Variants in CRYBG3 observed in about 807,000 individuals in gnomAD.
CRYBG3 encodes very large A-kinase anchor protein.
A neutral mutation model predicts 244.2 loss-of-function variants in CRYBG3; 127 were observed. The ratio of observed to expected loss-of-function variants is 0.52; its 90% CI spans 0.45 to 0.60. The LOEUF is 0.60. Ranked by LOEUF, CRYBG3 falls within the 20% of genes least tolerant of loss-of-function variation. The pLI, the probability that CRYBG3 is intolerant of heterozygous loss-of-function variation, is 0.00. For synonymous variants in CRYBG3, 1,132 were observed against 1,195.8 expected (o/e 0.95, Z 1.10); for missense variants, 3,325 against 3,442.5 (o/e 0.97, Z 0.85).
chr3:97,875,037 A>C lies in CRYBG3; in HGVS notation c.3843A>C (p.Pro1281=). ...TCAAAGAGAAGCCCTGTGTTTCACC[A>C]ACAGTTGGTGAGAAGAATCTTCTTG... ...SEVKEKPCVS[P]TVGEKNLLVD... is the part of the protein sequence containing the mutation. The change falls in exon 4 of 22, where the codon CCA becomes CCC. Residue 1281 remains proline (P), a synonymous_variant. Transcript: ENST00000389622. The C allele has an allele frequency of 6.5e-7, 1 of 1,535,302 alleles. No individual in the cohort carries two copies. Among genetic ancestry groups the C allele is most frequent in the Non-Finnish European group, 8.7e-7 (1 of 1,146,644 alleles).
At chr3:97,824,197 G>A (rs1473928835) in intron 1 of CRYBG3, among the ~76,000 whole-genome samples, 1 of 152,068 alleles carries the variant, frequency 6.6e-6, no homozygotes, top group Non-Finnish European at 1.5e-5. Flanking sequence ...AAATGGAACC[G>A]CTTTATAGTA....
chr3:97,822,260 C>G lies in CRYBG3; in HGVS notation c.54C>G (p.Phe18Leu). 6.5e-7 allele frequency: 1 copy of G among 1,530,648 alleles called. No individual in the cohort carries two copies. Among genetic ancestry groups the G allele is most frequent in the Non-Finnish European group, 8.7e-7 (1 of 1,144,756 alleles). The allele number at this position is 1,530,648 out of a possible 1,614,324, so 94.8% of individuals were successfully genotyped here. A position where few individuals can be genotyped will look rare whatever the true frequency, so the allele number is the denominator to read the frequency against. The part of the protein sequence containing the change: ...GSAPWHSFSR[F>L]FAPRSPSRDK... ...CCCCCTGGCACAGCTTCTCCCGGTTCTTCGCTCCCCGAAGTCCTTCCCGGG... is the reference window on the plus strand; with the variant it reads ...CCCCCTGGCACAGCTTCTCCCGGTTGTTCGCTCCCCGAAGTCCTTCCCGGG... The change falls in exon 1 of 22, where the codon TTC (phenylalanine) becomes TTG (leucine). Residue 18 changes from phenylalanine (F) to leucine (L), a missense_variant. Around this residue, in one of 4 missense-constraint regions of CRYBG3, gnomAD observed 1,526 missense variants for 1,443.2 expected, o/e 1.06. Transcript: ENST00000389622.
In CRYBG3 at chr3:97,877,001, C is replaced by T. The variant is rs2039383221; in HGVS notation, c.5807C>T (p.Thr1936Ile). 2 of 1,528,600 alleles carry T rather than the reference C, an allele frequency of 1.3e-6. No individual in the cohort carries two copies. The highest frequency in any genetic ancestry group is 1.8e-6 in the Non-Finnish European group (2 of 1,141,216). The allele number at this position is 1,528,600 out of a possible 1,614,324, so 94.7% of individuals were successfully genotyped here. ...TATTTCAGGGGATATGAATCCCCTA[C>T]ATTAAGTAAGGATTATGAGGGCTAC... ...PTYFRGYESPTLSKDYEGYPA... is the reference protein window; with the variant it reads ...PTYFRGYESPILSKDYEGYPA... Residue 1936 changes from threonine (T) to isoleucine (I), a missense_variant, in exon 4 of 22, where the codon ACA becomes ATA. This residue lies in a region of CRYBG3 where 450 missense variants were observed against 424.1 expected (regional missense o/e 1.06). Coordinates refer to ENST00000389622, the MANE Select transcript of CRYBG3 (RefSeq NM_153605.4).
intron 10 of CRYBG3, 35 bp from the exon 11 acceptor site, chr3:97,892,825 A>G (rs2108233733): frequency 8.7e-7 from 1 of 1,143,680 alleles, no homozygotes; most frequent in Non-Finnish European, 1.2e-6. Context: ...ATATGTGTCT[A>G]TATTAAAATA....
chr3:97,825,566 G>GTTT (rs2038567222), intron 1 of CRYBG3, among the ~76,000 whole-genome samples: 1 of 152,202 alleles, frequency 6.6e-6, no homozygotes, highest in Admixed American at 6.5e-5. Flanking sequence ...TGCTATGGGC[G>GTTT]TTTTGAATGG....
chr3:97,859,245 C>T (rs777341667), intron 2 of CRYBG3, among the ~76,000 whole-genome samples: 5 of 152,128 alleles, frequency 3.3e-5, no homozygotes, highest in Non-Finnish European at 5.9e-5. Context: ...GGCACAGTCA[C>T]TGGTAGTGTC....
intron 15 of CRYBG3, among the ~76,000 whole-genome samples, chr3:97,906,687 G>A (rs2039778837): frequency 6.8e-6 from 1 of 146,234 alleles, no homozygotes; most frequent in Non-Finnish European, 1.5e-5. Context: ...CATGTCATCT[G>A]CAAACAGGGA....
chr3:97,844,156 T>C (rs1438347780), intron 2 of CRYBG3, among the ~76,000 whole-genome samples: 1 of 152,188 alleles, frequency 6.6e-6, no homozygotes, highest in African/African-American at 2.4e-5. Flanking sequence ...TATTTCTGCC[T>C]TCTCCATTAT....
chr3:97,901,841 G>A (rs1236928857), intron 15 of CRYBG3, among the ~76,000 whole-genome samples: 1 of 152,108 alleles, frequency 6.6e-6, no homozygotes, highest in Non-Finnish European at 1.5e-5. Flanking sequence ...CTTGAAGAGA[G>A]GAAGCAGCAG....
chr3:97,927,884 G>A (rs1340187503), intron 17 of CRYBG3, among the ~76,000 whole-genome samples: 2 of 151,898 alleles, frequency 1.3e-5, no homozygotes, highest in African/African-American at 4.8e-5. Flanking sequence ...CCAAATGGCT[G>A]TTATTAAAAA....
intron 4 of CRYBG3, among the ~76,000 whole-genome samples, 174 bp downstream of exon 4, chr3:97,878,211 C>T (rs764653955): frequency 1.3e-5 from 2 of 152,050 alleles, no homozygotes; most frequent in Non-Finnish European, 2.9e-5. Context: ...GAGTTCAAGA[C>T]CAGCCTGGCC....
chr3:97,868,544 T>C (rs1308796575), intron 3 of CRYBG3, among the ~76,000 whole-genome samples: 1 of 152,196 alleles, frequency 6.6e-6, no homozygotes, highest in African/African-American at 2.4e-5. Context: ...AAGTATATAA[T>C]ATTTCTACCT....
intron 2 of CRYBG3, among the ~76,000 whole-genome samples, chr3:97,845,066 G>A (rs990685039): frequency 1.3e-5 from 2 of 152,054 alleles, no homozygotes; most frequent in Admixed American, 6.6e-5. Context: ...CAACCTAGCC[G>A]CACAGACCCA....
At position 97,864,372 on chromosome 3, in the gene CRYBG3, T is replaced by C. The variant is rs2039194487; in HGVS notation, c.372T>C (p.Phe124=). The C allele has an allele frequency of 6.5e-7, 1 of 1,535,846 alleles. No individual in the cohort carries two copies. The highest frequency in any genetic ancestry group is 8.7e-7 in the Non-Finnish European group (1 of 1,146,834). The change falls in exon 3 of 22, where the codon TTT becomes TTC. Residue 124 remains phenylalanine (F), a synonymous_variant. Transcript: ENST00000389622. ...AGCCAAAAGAAAGCTTTTTTCAGTT[T>C]CTTGGTAACTTATTCAATATCTCGG... ...DRQPKESFFQ[F]LGNLFNISGK... is the part of the protein sequence containing the mutation.
Position 97,886,775 on chromosome 3 carries a change from T to A in CRYBG3, c.7289+8T>A, listed in dbSNP as rs760919914. 6.4e-7 allele frequency: 1 copy of A among 1,562,254 alleles called. No homozygotes were observed. Among genetic ancestry groups the A allele is most frequent in the African/African-American group, 1.4e-5 (1 of 72,152 alleles). ...CACTGTGAAGTCAGGAGTGTACGTA[T>A]CAGTTCCTTTTTATTATAGTGATTG... On this transcript the variant is annotated splice_region_variant and intron_variant, in intron 8 of 21. Coordinates refer to ENST00000389622, the MANE Select transcript of CRYBG3 (RefSeq NM_153605.4).
At position 97,876,812 on chromosome 3, in the gene CRYBG3, A is replaced by G. The variant is rs369158816; in HGVS notation, c.5618A>G (p.His1873Arg). 229 of 1,305,598 alleles carry G rather than the reference A, an allele frequency of 1.8e-4. No individual in the cohort carries two copies. In the African/African-American group the frequency reaches 1.9e-3, roughly 11 times the overall value. The allele number at this position is 1,305,598 out of a possible 1,614,324, so 80.9% of individuals were successfully genotyped here. Residue 1873 changes from histidine (H) to arginine (R), a missense_variant, in exon 4 of 22, where the codon CAT becomes CGT. Physicochemically the swap from His to Arg is conservative, Grantham distance 29. Around this residue, in one of 4 missense-constraint regions of CRYBG3, gnomAD observed 635 missense variants for 771.7 expected, o/e 0.82. Coordinates refer to ENST00000389622, the MANE Select transcript of CRYBG3 (RefSeq NM_153605.4). ...LPAVVDIEKI[H>R]GTGLELTTKQ... ...GCAGTGGTAGACATTGAGAAAATAC[A>G]TGGAACAGGACTAGAATTGACCACT... is the stretch of plus-strand genomic sequence containing the variant.
intron 17 of CRYBG3, among the ~76,000 whole-genome samples, chr3:97,926,420 C>G (rs909700238): frequency 7.2e-5 from 11 of 151,890 alleles, no homozygotes; most frequent in Non-Finnish European, 8.8e-5. Flanking sequence ...GAACATATCA[C>G]AAAATAATAA....
At chr3:97,854,591 A>ATT (rs36107870) in intron 2 of CRYBG3, among the ~76,000 whole-genome samples, 26 of 137,018 alleles carry the variant, frequency 1.9e-4, no homozygotes, top group African/African-American at 6.7e-4. Context: ...ACTCCTAAGT[A>ATT]TTTTTTTTTT....
chr3:97,890,525 C>G (rs923648229), intron 10 of CRYBG3, among the ~76,000 whole-genome samples: 22 of 152,124 alleles, frequency 1.4e-4, no homozygotes, highest in African/African-American at 5.3e-4. Context: ...GCTTTCCCAT[C>G]AAAGAATTTG....
Sources: gnomAD v4.1 joint callset for allele counts (sites outside exome capture counted in the v4.1 genomes callset) on GRCh38, gnomAD v4.1.1 for gene constraint, gnomAD v4.1.1 regional missense constraint, MANE v1.5 for transcripts, NCBI Gene and HGNC (gene_info 2026-07-23, HGNC 2026-07-21) for gene names.